ALPK1: variants seen among roughly 807,000 people sequenced by gnomAD.
ALPK1 encodes the protein alpha kinase 1.
ALPK1 carries 110 observed loss-of-function variants against 120.6 expected under a neutral mutation model. The observed-to-expected ratio is 0.91, with a 90% CI of 0.78 to 1.07. The LOEUF is 1.07. Ranked by LOEUF, ALPK1 falls within the 50% of genes least tolerant of loss-of-function variation. ALPK1 has a pLI of 0.00. For synonymous variants in ALPK1, 582 were observed against 560.3 expected (o/e 1.04, Z -0.55); for missense variants, 1,498 against 1,483.9 (o/e 1.01, Z -0.16).
intron 2 of ALPK1, among the ~76,000 whole-genome samples, chr4:112,376,700 C>T (rs1338442794): frequency 6.6e-6 from 1 of 152,174 alleles, no homozygotes; most frequent in Non-Finnish European, 1.5e-5. Flanking sequence ...TGCATAAGCT[C>T]AGAGACAGAA....
intron 1 of ALPK1, among the ~76,000 whole-genome samples, chr4:112,299,541 T>C (rs73843065): frequency 0.078 from 11,923 of 152,186 alleles, 593 homozygotes; most frequent in African/African-American, 0.12. Context: ...TCTGCAGATT[T>C]GGCAAAAATT....
At chr4:112,373,613 C>T (rs1475529736) in intron 2 of ALPK1, among the ~76,000 whole-genome samples, 1 of 152,098 alleles carries the variant, frequency 6.6e-6, no homozygotes, top group Non-Finnish European at 1.5e-5. Flanking sequence ...CACACAAAGC[C>T]GGGTGCAGTG....
Position 112,310,167 on chromosome 4 carries a change from A to T in ALPK1, c.-152-5634A>T, listed in dbSNP as rs189770691. Among the ~76,000 whole-genome samples the T allele has an allele frequency of 1.5e-3, 227 of 152,188 alleles. 3 individuals are homozygous for T. The highest frequency in any genetic ancestry group is 5.2e-3 in the African/African-American group (215 of 41,452). ...TTTTTTTCTTTGAATGAGACTTACCACTGTTAAAACTCTCTAGCTCACAAG... is the reference window on the plus strand; with the variant it reads ...TTTTTTTCTTTGAATGAGACTTACCTCTGTTAAAACTCTCTAGCTCACAAG... On this transcript the variant is annotated intron_variant, in intron 1 of 15. Transcript: ENST00000650871.
chr4:112,420,232 C>G (rs1019019536), intron 5 of ALPK1, among the ~76,000 whole-genome samples: 1 of 152,130 alleles, frequency 6.6e-6, no homozygotes, highest in African/African-American at 2.4e-5. Flanking sequence ...TGTCTTATGG[C>G]AATAAATGAC....
At chr4:112,352,201 G>T (rs1326531157) in intron 2 of ALPK1, among the ~76,000 whole-genome samples, 1 of 152,054 alleles carries the variant, frequency 6.6e-6, no homozygotes, top group Non-Finnish European at 1.5e-5. Context: ...CAACTATCGA[G>T]AATTTATAAA....
intron 1 of ALPK1, among the ~76,000 whole-genome samples, chr4:112,310,318 G>A (rs1728338167): frequency 6.6e-6 from 1 of 152,044 alleles, no homozygotes; most frequent in South Asian, 2.1e-4. Context: ...ATGGTAGAAG[G>A]TTGTAACATT....
At chr4:112,299,352 A>G (rs891035178) in intron 1 of ALPK1, among the ~76,000 whole-genome samples, 29 of 152,188 alleles carry the variant, frequency 1.9e-4, no homozygotes, top group African/African-American at 6.8e-4. Flanking sequence ...GATTTTAGGC[A>G]GTACATGTCT....
chr4:112,390,144 C>T (rs1234230537), intron 4 of ALPK1, among the ~76,000 whole-genome samples: 1 of 152,220 alleles, frequency 6.6e-6, no homozygotes, highest in Non-Finnish European at 1.5e-5. Flanking sequence ...GCCCATGGGC[C>T]CTGCCAGGCA....
Position 112,432,201 on chromosome 4 carries a change from C to T in ALPK1, c.2654C>T (p.Ala885Val), listed in dbSNP as rs1253598326. The change falls in exon 11 of 16, where the codon GCG becomes GTG. Residue 885 changes from alanine to valine, a missense_variant. Coordinates refer to ENST00000650871, the MANE Select transcript of ALPK1 (RefSeq NM_025144.4). ...CTGAGACAGCCGCCTGGTCAGAGGG[C>T]GGAGACCCCCAATTCCTCTGTAAGC... Reference protein sequence around the residue: ...CILRQPPGQRAETPNSSVSGN... With the variant: ...CILRQPPGQRVETPNSSVSGN... 27 of 1,614,098 alleles carry T rather than the reference C, an allele frequency of 1.7e-5. No homozygotes were observed. Among genetic ancestry groups the T allele is most frequent in the Middle Eastern group, 1.6e-4 (1 of 6,084 alleles).
intron 6 of ALPK1, 160 bp from the exon 7 acceptor site, chr4:112,425,505 T>G (rs1402254432): frequency 3.5e-6 from 2 of 571,598 alleles, no homozygotes; most frequent in East Asian, 6.4e-5. Context: ...CTGCAGAGCC[T>G]TAGACTACAG....
chr4:112,405,490 C>A (rs998702712), intron 4 of ALPK1, among the ~76,000 whole-genome samples: 1 of 151,894 alleles, frequency 6.6e-6, no homozygotes. Context: ...ATAGAATTTT[C>A]TCATTATAAT....
chr4:112,422,440 CACATT>C (rs1186288209), intron 5 of ALPK1, among the ~76,000 whole-genome samples: 1 of 152,156 alleles, frequency 6.6e-6, no homozygotes, highest in Non-Finnish European at 1.5e-5. Flanking sequence ...TGCTACATTC[CACATT>C]ACTCCTGGAG....
At chr4:112,313,458 C>T (rs1344913964) in intron 1 of ALPK1, among the ~76,000 whole-genome samples, 1 of 152,198 alleles carries the variant, frequency 6.6e-6, no homozygotes, top group Non-Finnish European at 1.5e-5. Flanking sequence ...CATGGTGGCT[C>T]ACGCCTGTAA....
intron 2 of ALPK1, chr4:112,359,833 C>A: frequency 2.7e-6 from 1 of 371,034 alleles, no homozygotes; most frequent in Non-Finnish European, 5.3e-6. Flanking sequence ...CCCATGGAGG[C>A]CCTCAGCATG....
chr4:112,430,868 T>C lies in ALPK1; in HGVS notation c.1321T>C (p.Leu441=), dbSNP rs1319156030. The change falls in exon 11 of 16, where the codon TTG becomes CTG. Residue 441 remains leucine, a synonymous_variant. Coordinates refer to ENST00000650871, the MANE Select transcript of ALPK1 (RefSeq NM_025144.4). The part of the protein sequence containing the change: ...SYVPESFECR[L]DKLILHGQGD... ...TGTTCCCGAGAGTTTCGAGTGCAGG[T>C]TGGATAAACTTATCTTGCATGGGCA... 1.2e-6 allele frequency: 2 copies of C among 1,613,908 alleles called. No homozygotes were observed. Among genetic ancestry groups the C allele is most frequent in the African/African-American group, 1.3e-5 (1 of 74,890 alleles).
chr4:112,304,414 G>T (rs1325554811), intron 1 of ALPK1, among the ~76,000 whole-genome samples: 1 of 152,114 alleles, frequency 6.6e-6, no homozygotes, highest in Non-Finnish European at 1.5e-5. Context: ...AGCACCTGTT[G>T]TTTCCTGACT....
intron 1 of ALPK1, among the ~76,000 whole-genome samples, chr4:112,306,846 A>G (rs1400861593): frequency 6.6e-6 from 1 of 151,898 alleles, no homozygotes; most frequent in Non-Finnish European, 1.5e-5. Context: ...TGATGTTAGG[A>G]TGTCAATTTA....
rs776572834 is a variant in ALPK1 at position 112,382,412 on chromosome 4, G to T, written c.136G>T (p.Glu46Ter). 2.7e-5 allele frequency: 43 copies of T among 1,610,790 alleles called. No individual in the cohort carries two copies. Among genetic ancestry groups the T allele is most frequent in the Non-Finnish European group, 3.4e-5 (40 of 1,179,040 alleles). Residue 46 changes from glutamate (E) to a stop codon, truncating the protein, a stop_gained, in exon 4 of 16, where the codon GAG becomes TAG. Transcript: ENST00000650871. LOFTEE classifies it high-confidence loss of function. ...DQRCRALLPS[E>*]LRTLIQEAKE... is the part of the protein sequence containing the mutation. ...GACCTTTTCAGCTTTACTCCCCAGCGAGTTAAGGACCCTGATCCAGGAGGC... is the reference window on the plus strand; with the variant it reads ...GACCTTTTCAGCTTTACTCCCCAGCTAGTTAAGGACCCTGATCCAGGAGGC...
At chr4:112,374,893 G>C (rs1387137802) in intron 2 of ALPK1, among the ~76,000 whole-genome samples, 1 of 152,178 alleles carries the variant, frequency 6.6e-6, no homozygotes, top group Non-Finnish European at 1.5e-5. Flanking sequence ...CTGTTACCAG[G>C]CTTAGTTGTG....
Sources: gnomAD v4.1 joint callset for allele counts (sites outside exome capture counted in the v4.1 genomes callset) on GRCh38, gnomAD v4.1.1 for gene constraint, MANE v1.5 for transcripts, NCBI Gene and HGNC (gene_info 2026-07-23, HGNC 2026-07-21) for gene names.